Variants in SRGAP3 observed in about 807,000 individuals in gnomAD.
The protein encoded by SRGAP3 is SLIT-ROBO Rho GTPase activating protein 3, also known as SLIT-ROBO Rho GTPase-activating protein 3.
Under a neutral mutation model 121.1 loss-of-function variants are expected in SRGAP3, and 39 were observed. The ratio of observed to expected loss-of-function variants is 0.32; its 90% CI spans 0.25 to 0.42. The LOEUF is 0.42. SRGAP3 is among the 10% of genes least tolerant of loss of function. The probability of loss-of-function intolerance (pLI) is 1.00; values close to 1 mark genes in which losing one functional copy is unlikely to be tolerated. For synonymous variants in SRGAP3, 601 were observed against 570.0 expected (o/e 1.05, Z -0.77); for missense variants, 1,213 against 1,470.6 (o/e 0.82, Z 2.86).
At position 9,006,425 on chromosome 3, in the gene SRGAP3, G is replaced by A. The variant is rs575284229; in HGVS notation, c.2227+3883C>T. Among the ~76,000 whole-genome samples the A allele has an allele frequency of 4.0e-4, 60 of 148,174 alleles. 1 individual carries two copies. The highest frequency in any genetic ancestry group is 1.4e-3 in the African/African-American group (55 of 40,312). On this transcript the variant is annotated intron_variant, in intron 18 of 21. Coordinates refer to ENST00000383836, the MANE Select transcript of SRGAP3 (RefSeq NM_014850.4). ...AAAAAAAAAAAAAAAGAAAAGAAAA[G>A]GAGTGGCTATGACTCCACAACTGGG...
chr3:8,980,737 G>A lies in SRGAP3; in HGVS notation c.*4782C>T, dbSNP rs751199393. The A allele has an allele frequency of 6.0e-5, 14 of 232,868 alleles. No individual in the cohort carries two copies. Among genetic ancestry groups the A allele is most frequent in the Admixed American group, 1.1e-4 (2 of 17,736 alleles). The allele number at this position is 232,868 out of a possible 1,614,324, so 14.4% of individuals were successfully genotyped here. A position where few individuals can be genotyped will look rare whatever the true frequency, so the allele number is the denominator to read the frequency against. The stretch of plus-strand genomic sequence containing the variant: ...GGTAGAGAAACGATATCCAGAAGAG[G>A]GCAACATTTATCATCACGTGGGGAC... On this transcript the variant is annotated 3_prime_UTR_variant, in exon 22 of 22. Coordinates refer to ENST00000383836, the MANE Select transcript of SRGAP3 (RefSeq NM_014850.4).
intron 14 of SRGAP3, among the ~76,000 whole-genome samples, chr3:9,018,482 A>G (rs1943750089): frequency 6.6e-6 from 1 of 152,164 alleles, no homozygotes; most frequent in Non-Finnish European, 1.5e-5. Flanking sequence ...ACAGTATATA[A>G]GAGTTCCCTT....
chr3:9,063,665 G>A (rs181677807), intron 5 of SRGAP3, among the ~76,000 whole-genome samples: 1 of 152,118 alleles, frequency 6.6e-6, no homozygotes, highest in South Asian at 2.1e-4. Context: ...AACTAAATCT[G>A]TTTCGAGTTT....
At chr3:9,348,613 CAG>C in intron 1 of SRGAP3, 1 of 969,264 alleles carries the variant, frequency 1.0e-6, no homozygotes, top group Non-Finnish European at 1.7e-6. Flanking sequence ...TGCTTCACCT[CAG>C]TGCAGAAGAG....
intron 2 of SRGAP3, among the ~76,000 whole-genome samples, chr3:9,123,787 CAG>C (rs150619593): frequency 2.1e-3 from 272 of 132,554 alleles, no homozygotes; most frequent in Middle Eastern, 3.7e-3. Flanking sequence ...TGTGTATACA[CAG>C]AGAGAGAGAG....
chr3:9,249,819 T>C (rs578012812), upstream of SRGAP3: 1 of 195,698 alleles, frequency 5.1e-6, no homozygotes, highest in Admixed American at 6.1e-5. Flanking sequence ...AGTAATCGGG[T>C]TGGTAAGTCT....
chr3:9,105,028 C>T (rs878856236), intron 2 of SRGAP3, among the ~76,000 whole-genome samples, 186 bp from the exon 3 acceptor site: 1 of 152,254 alleles, frequency 6.6e-6, no homozygotes, highest in Non-Finnish European at 1.5e-5. Flanking sequence ...GGTCACAGAC[C>T]AGCACTGGGG....
At chr3:9,001,318 G>A (rs913801958) in intron 18 of SRGAP3, among the ~76,000 whole-genome samples, 2 of 152,060 alleles carry the variant, frequency 1.3e-5, no homozygotes, top group Non-Finnish European at 2.9e-5. Context: ...ATTACACAAC[G>A]TATGCATGTA....
intron 21 of SRGAP3, among the ~76,000 whole-genome samples, chr3:8,987,885 T>A (rs2124912172): frequency 6.6e-6 from 1 of 152,182 alleles, no homozygotes; most frequent in Non-Finnish European, 1.5e-5. Context: ...AGCCGCCCTA[T>A]CATCAACCAC....
intron 1 of SRGAP3, chr3:9,355,731 A>G (rs1180925839): frequency 6.6e-6 from 1 of 152,214 alleles, no homozygotes; most frequent in South Asian, 2.1e-4. Flanking sequence ...TGATGTATAT[A>G]TTTTCTGTAT....
intron 19 of SRGAP3, among the ~76,000 whole-genome samples, chr3:8,993,784 C>G (rs1228843300): frequency 6.6e-6 from 1 of 152,142 alleles, no homozygotes; most frequent in Non-Finnish European, 1.5e-5. Flanking sequence ...CCGAGCCTGA[C>G]CAGAGCTCCC....
intron 4 of SRGAP3, among the ~76,000 whole-genome samples, chr3:9,077,025 C>A (rs981999766): frequency 2.6e-5 from 4 of 152,048 alleles, no homozygotes; most frequent in African/African-American, 9.7e-5. Flanking sequence ...AGGTTTGTTA[C>A]GTAGGTATAC....
At chr3:9,192,750 T>G (rs1364052265) in intron 1 of SRGAP3, 2 of 152,218 alleles carry the variant, frequency 1.3e-5, no homozygotes, top group Non-Finnish European at 2.9e-5. Context: ...GGGACCCCCA[T>G]CACAGAGAGT....
chr3:9,304,623 G>A (rs776821556), intron 3 of SRGAP3, among the ~76,000 whole-genome samples: 5 of 152,134 alleles, frequency 3.3e-5, no homozygotes, highest in Non-Finnish European at 7.3e-5. Context: ...GCGAGTGGCC[G>A]GTGCTGTTGT....
chr3:9,176,436 C>T (rs1951183674), intron 1 of SRGAP3, among the ~76,000 whole-genome samples: 1 of 152,200 alleles, frequency 6.6e-6, no homozygotes, highest in Non-Finnish European at 1.5e-5. Context: ...TTGTGACTCT[C>T]CAAAAGGAGC....
intron 1 of SRGAP3, among the ~76,000 whole-genome samples, chr3:9,340,327 G>T (rs896262260): frequency 2.6e-5 from 4 of 152,106 alleles, no homozygotes; most frequent in Non-Finnish European, 4.4e-5. Context: ...CTTCAGAGCA[G>T]GCCAGATGGA....
intron 10 of SRGAP3, among the ~76,000 whole-genome samples, chr3:9,043,461 C>G (rs1945114987): frequency 6.6e-6 from 1 of 152,084 alleles, no homozygotes; most frequent in Admixed American, 6.6e-5. Context: ...GATGGGTGAA[C>G]AGAAGGGGGC....
At chr3:9,121,260 G>A (rs1235894611) in intron 2 of SRGAP3, among the ~76,000 whole-genome samples, 1 of 152,190 alleles carries the variant, frequency 6.6e-6, no homozygotes, top group Admixed American at 6.5e-5. Context: ...CAAGTCCTGG[G>A]CTCTGCCCTT....
intron 5 of SRGAP3, 111 bp downstream of exon 5, chr3:9,064,285 C>T (rs906233308): frequency 6.9e-7 from 1 of 1,440,852 alleles, no homozygotes; most frequent in South Asian, 1.2e-5. Context: ...CCACCACCAC[C>T]CCACTGGGAT....
Sources: allele counts gnomAD v4.1 joint callset (sites outside exome capture counted in the v4.1 genomes callset), GRCh38; gene constraint gnomAD v4.1.1; transcripts MANE v1.5; gene names NCBI Gene and HGNC (gene_info 2026-07-23, HGNC 2026-07-21).